WDR76: variants seen among roughly 807,000 people sequenced by gnomAD.
The protein encoded by WDR76 is WD repeat-containing protein 76.
A neutral mutation model predicts 70.2 loss-of-function variants in WDR76; 52 were observed. The ratio of observed to expected loss-of-function variants is 0.74; its 90% confidence interval spans 0.59 to 0.93. The LOEUF (loss-of-function observed/expected upper bound fraction) is 0.93. WDR76 is among the 40% of genes least tolerant of loss of function. The pLI, the probability that WDR76 is intolerant of heterozygous loss-of-function variation, is 0.00. For missense variants in WDR76, 756 were observed against 760.2 expected, an observed-to-expected ratio of 0.99 and a Z score of 0.07; for synonymous variants, 292 against 271.1, an observed-to-expected ratio of 1.08 and a Z score of -0.76.
Position 43,865,977 on chromosome 15 carries a change from T to TGA in WDR76, c.1617-149_1617-148dup, listed in dbSNP as rs1380621097. On this transcript the variant is annotated intron_variant, in intron 12 of 12. Transcript: ENST00000263795. ...GTCCAGAGGTTCAGTCCTGTAAGGA[T>TGA]GAGGTAAGGTTGGTGGTAACTCAGT... 1.4e-5 allele frequency: 12 copies of TGA among 852,348 alleles called. No homozygotes were observed. In the African/African-American group the frequency reaches 2.1e-4, roughly 15 times the overall value. 52.8% of individuals were successfully genotyped at this position (852,348 alleles called of 1,614,324 possible). A position where few individuals can be genotyped will look rare whatever the true frequency, so the allele number is the denominator to read the frequency against.
rs368987770 is a variant in WDR76 at position 43,836,129 on chromosome 15, T to G, written c.553-32T>G. ...TTTTAAAAGGTAAGATACGTAGTTA[T>G]AACATTTTTACATGATTTTTATACT... On this transcript the variant is annotated intron_variant, in intron 3 of 12. Coordinates refer to ENST00000263795, the MANE Select transcript of WDR76 (RefSeq NM_024908.4). The G allele has an allele frequency of 1.9e-6, 3 of 1,591,694 alleles. No individual in the cohort carries two copies. In the East Asian group the frequency reaches 6.7e-5, roughly 36 times the overall value.
intron 12 of WDR76, among the ~76,000 whole-genome samples, chr15:43,863,334 CATAT>C (rs977904520): frequency 2.0e-5 from 3 of 152,050 alleles, no homozygotes; most frequent in Non-Finnish European, 4.4e-5. Context: ...AGCTAATTAA[CATAT>C]GTATTACCTC....
At chr15:43,857,210 A>G (rs750129666) in intron 10 of WDR76, 47 bp downstream of exon 10, 34 of 1,522,024 alleles carry the variant, frequency 2.2e-5, no homozygotes, top group Non-Finnish European at 2.7e-5. Flanking sequence ...TAATGTCACA[A>G]TTACATGGTT....
At chr15:43,863,728 T>TA (rs1423404268) in intron 12 of WDR76, among the ~76,000 whole-genome samples, 3 of 152,144 alleles carry the variant, frequency 2.0e-5, no homozygotes, top group African/African-American at 2.4e-5. Flanking sequence ...CCCTGCTAGT[T>TA]AAAAAAATTA....
chr15:43,827,063 G>T lies in WDR76; in HGVS notation c.31G>T (p.Ala11Ser), dbSNP rs2087525808. The change falls in exon 1 of 13, where the codon GCG becomes TCG. Residue 11 changes from alanine to serine, a missense_variant. Physicochemically the swap from Ala to Ser is moderately conservative, Grantham distance 99. Coordinates refer to ENST00000263795, the MANE Select transcript of WDR76 (RefSeq NM_024908.4). Reference protein sequence around the residue: MSRSGAAAEKADSRQRPQMKV... With the variant: MSRSGAAAEKSDSRQRPQMKV... ...CAGGTCGGGCGCGGCGGCTGAGAAG[G>T]CGGACTCCAGACAGCGACCCCAGAT... The T allele has an allele frequency of 2.5e-6, 4 of 1,614,032 alleles. No individual in the cohort carries two copies. In the Admixed American group the frequency reaches 6.7e-5, roughly 27 times the overall value.
rs1445907343 is a variant in WDR76 at position 43,828,007 on chromosome 15, CTG to C, written c.104_105del (p.Leu35GlnfsTer13). 3 of 1,610,966 alleles carry C rather than the reference CTG, an allele frequency of 1.9e-6. No individual in the cohort carries two copies. The highest frequency in any genetic ancestry group is 2.5e-6 in the Non-Finnish European group (3 of 1,179,380). ...AAATCAAAACATCGCTTATGTGTCT[CTG>C]AGACCAGCACAGACTACAGTTTTAA... ...KENQNIAYVS[L>X]RPAQTTVLIK... On this transcript the variant is annotated frameshift_variant, in exon 2 of 13. Transcript: ENST00000263795. LOFTEE classifies it high-confidence loss of function.
At position 43,839,648 on chromosome 15, in the gene WDR76, A is replaced by G. The variant is rs970854697; in HGVS notation, c.652A>G (p.Met218Val). The change falls in exon 5 of 13, where the codon ATG becomes GTG. Residue 218 changes from methionine (M) to valine (V), a missense_variant. Coordinates refer to ENST00000263795, the MANE Select transcript of WDR76 (RefSeq NM_024908.4). ...AAATGGGATTGGATGTAGAAGGTCA[A>G]TGCGATTACTAAAAGTTGATCCTTC... ...RENGIGCRRS[M>V]RLLKVDPSGV... 6.8e-6 allele frequency: 11 copies of G among 1,612,950 alleles called. No individual in the cohort carries two copies. Among genetic ancestry groups the G allele is most frequent in the Admixed American group, 5.0e-5 (3 of 59,924 alleles).
At position 43,830,563 on chromosome 15, in the gene WDR76, A is replaced by C. The variant is rs1239294552; in HGVS notation, c.462+2197A>C. On this transcript the variant is annotated intron_variant, in intron 2 of 12. Transcript: ENST00000263795. Reference sequence around the variant, plus strand: ...GGCAACAAGAGTGAAACTCCGTCTCAAAAAAAAAAAAAAAAAAAGATTCTG... The same window carrying C: ...GGCAACAAGAGTGAAACTCCGTCTCCAAAAAAAAAAAAAAAAAAGATTCTG... Among the ~76,000 whole-genome samples, 7 of 133,350 alleles carry C rather than the reference A, an allele frequency of 5.2e-5. 1 individual carries two copies. The East Asian group carries it at 1.6e-3, about 30-fold the overall frequency. The allele number at this position is 133,350 out of a possible 152,430, so 87.5% of individuals were successfully genotyped here.
intron 12 of WDR76, among the ~76,000 whole-genome samples, chr15:43,864,281 T>C (rs2088042116): frequency 6.6e-6 from 1 of 152,226 alleles, no homozygotes; most frequent in African/African-American, 2.4e-5. Flanking sequence ...AGTAGTGGGA[T>C]TGCTGGATCA....
intron 12 of WDR76, among the ~76,000 whole-genome samples, chr15:43,861,827 TG>T (rs1335175081): frequency 1.8e-4 from 27 of 150,364 alleles, no homozygotes; most frequent in African/African-American, 6.7e-4. Context: ...TGAATGTATT[TG>T]TGTATTTTTT....
intron 10 of WDR76, among the ~76,000 whole-genome samples, chr15:43,857,961 CTTTTTT>C (rs397854561): frequency 1.0e-5 from 1 of 95,534 alleles, no homozygotes; most frequent in Admixed American, 1.2e-4. Context: ...AGGGTTCTGT[CTTTTTT>C]TTTTTTTTTT....
At chr15:43,862,282 T>C (rs1240516663) in intron 12 of WDR76, among the ~76,000 whole-genome samples, 2 of 145,972 alleles carry the variant, frequency 1.4e-5, no homozygotes, top group African/African-American at 2.6e-5. Context: ...GTTTCTTTTT[T>C]TTTTTTTTTT....
At position 43,866,111 on chromosome 15, in the gene WDR76, A is replaced by G; in HGVS notation, c.1617-17A>G. 6.2e-7 allele frequency: 1 copy of G among 1,611,604 alleles called. No homozygotes were observed. The highest frequency in any genetic ancestry group is 8.5e-7 in the Non-Finnish European group (1 of 1,178,044). On this transcript the variant is annotated splice_polypyrimidine_tract_variant and intron_variant, in intron 12 of 12. Transcript: ENST00000263795. ...TAACCTTACTTCATTTAAAAAATATATTGTTTTCCTCACTAGGCACAACAC... is the reference window on the plus strand; with the variant it reads ...TAACCTTACTTCATTTAAAAAATATGTTGTTTTCCTCACTAGGCACAACAC...
At chr15:43,849,719 G>C (rs2087833021) in intron 8 of WDR76, among the ~76,000 whole-genome samples, 1 of 152,046 alleles carries the variant, frequency 6.6e-6, no homozygotes, top group Admixed American at 6.6e-5. Flanking sequence ...TGTATTTTTA[G>C]TAGAGACGGG....
At chr15:43,850,365 G>A (rs769422305) in intron 8 of WDR76, among the ~76,000 whole-genome samples, 1 of 151,288 alleles carries the variant, frequency 6.6e-6, no homozygotes, top group South Asian at 2.1e-4. Flanking sequence ...GTGAGATGTC[G>A]GCTCACTGCA....
At chr15:43,835,706 T>G (rs2087647308) in intron 3 of WDR76, among the ~76,000 whole-genome samples, 1 of 151,480 alleles carries the variant, frequency 6.6e-6, no homozygotes, top group Non-Finnish European at 1.5e-5. Flanking sequence ...TTGCCCAGGC[T>G]GGAGTGCAAT....
intron 9 of WDR76, 134 bp downstream of exon 9, chr15:43,851,379 C>A (rs1256614071): frequency 1.6e-6 from 2 of 1,216,712 alleles, no homozygotes; most frequent in Non-Finnish European, 2.3e-6. Flanking sequence ...TGCCTAAGTT[C>A]AAATCCCAGA....
rs2087641607 is a variant in WDR76 at position 43,835,291 on chromosome 15, A to ACCCGCC, written c.552+145_552+150dup. On this transcript the variant is annotated intron_variant, in intron 3 of 12. Transcript: ENST00000263795. ...AGATCAGCCTGGGTAACATACGGAG[A>ACCCGCC]CCCGCCCCCCGCCCCCCGCCCCCCA... 1.1e-5 allele frequency: 6 copies of ACCCGCC among 538,316 alleles called. No homozygotes were observed. The East Asian group carries it at 2.1e-4, about 19-fold the overall frequency. The allele number at this position is 538,316 out of a possible 1,614,324, so 33.3% of individuals were successfully genotyped here. A position where few individuals can be genotyped will look rare whatever the true frequency, so the allele number is the denominator to read the frequency against.
chr15:43,863,257 T>C (rs1020095611), intron 12 of WDR76, among the ~76,000 whole-genome samples: 4 of 152,168 alleles, frequency 2.6e-5, no homozygotes, highest in Admixed American at 2.0e-4. Flanking sequence ...AATTGACTAA[T>C]AAAATTGTGT....
Sources: gnomAD v4.1 joint callset for allele counts (sites outside exome capture counted in the v4.1 genomes callset) on GRCh38, gnomAD v4.1.1 for gene constraint, MANE v1.5 for transcripts, NCBI Gene and HGNC (gene_info 2026-07-23, HGNC 2026-07-21) for gene names.